MAP2K6: variants seen among roughly 807,000 people sequenced by gnomAD.
MAP2K6 encodes mitogen-activated protein kinase kinase 6, also known as dual specificity mitogen-activated protein kinase kinase 6.
Under a neutral mutation model 53.7 loss-of-function variants are expected in MAP2K6, and 16 were observed. The observed-to-expected ratio is 0.30, with a 90% CI of 0.20 to 0.45. MAP2K6 has a LOEUF of 0.45. Among genes scored for constraint, MAP2K6 ranks in the 20% least tolerant of loss-of-function variants. The pLI is 1.00. For synonymous variants in MAP2K6, 132 were observed against 143.1 expected (o/e 0.92, Z 0.55); for missense variants, 204 against 411.9 (o/e 0.50, Z 4.37).
chr17:69,520,092 GAT>G, intron 5 of MAP2K6, 176 bp from the exon 6 acceptor site: 1 of 562,352 alleles, frequency 1.8e-6, no homozygotes, highest in Non-Finnish European at 3.1e-6. Context: ...GCTCTTTGTA[GAT>G]AACCTTGCTT....
chr17:69,425,622 A>C (rs1906250849), intron 1 of MAP2K6, among the ~76,000 whole-genome samples: 1 of 152,180 alleles, frequency 6.6e-6, no homozygotes, highest in African/African-American at 2.4e-5. Context: ...AAACCAATGA[A>C]TTCTTTCTCG....
At chr17:69,488,592 A>G (rs2521344) in intron 1 of MAP2K6, among the ~76,000 whole-genome samples, 89,043 of 152,020 alleles carry the variant, frequency 0.59, 26,584 homozygotes, top group East Asian at 0.73. Flanking sequence ...ATTCAGCTAT[A>G]AAAAAGAACA....
At chr17:69,442,241 C>T (rs934768473) in intron 1 of MAP2K6, among the ~76,000 whole-genome samples, 11 of 152,270 alleles carry the variant, frequency 7.2e-5, no homozygotes, top group South Asian at 4.1e-4. Context: ...CAAATGTGGA[C>T]GCTTCCCAGA....
chr17:69,494,289 A>G lies in MAP2K6; in HGVS notation c.17-11491A>G, dbSNP rs1908860689. 1.3e-5 allele frequency among the ~76,000 whole-genome samples: 2 copies of G among 151,994 alleles called. No homozygotes were observed. Among genetic ancestry groups the G allele is most frequent in the African/African-American group, 2.4e-5 (1 of 41,386 alleles). On this transcript the variant is annotated intron_variant, in intron 1 of 11. Transcript: ENST00000590474. This position sits in a 1 kb window ranked among gnomAD's most constrained non-coding sequence, Gnocchi z 4.2. Reference sequence around the variant, plus strand: ...AAGGCGGGCAGATCACCTGAGGCCGAGAGTTTGTGACCAGCCTGGCCAACA... The same window carrying G: ...AAGGCGGGCAGATCACCTGAGGCCGGGAGTTTGTGACCAGCCTGGCCAACA...
At chr17:69,459,582 C>T (rs963553390) in intron 1 of MAP2K6, among the ~76,000 whole-genome samples, 8 of 151,458 alleles carry the variant, frequency 5.3e-5, no homozygotes, top group Non-Finnish European at 1.2e-4. Flanking sequence ...TGTGGTGGTG[C>T]GTGCCTATAG....
intron 5 of MAP2K6, 24 bp downstream of exon 5, chr17:69,519,456 T>C (rs1001338609): frequency 1.2e-6 from 2 of 1,613,110 alleles, no homozygotes; most frequent in Non-Finnish European, 1.7e-6. Context: ...CAATTCAAAG[T>C]CCAAGAGGAA....
chr17:69,443,107 T>C (rs756344748), intron 1 of MAP2K6, among the ~76,000 whole-genome samples: 4 of 152,170 alleles, frequency 2.6e-5, no homozygotes, highest in Admixed American at 6.5e-5. Flanking sequence ...CATTCTTTCC[T>C]CTAGTCAGCC....
In MAP2K6 at chr17:69,533,304, T is replaced by TA. The variant is rs546442998; in HGVS notation, c.882-2804dup. On this transcript the variant is annotated intron_variant, in intron 10 of 11. Transcript: ENST00000590474. ...ATATCCTGACTCAAAATCAGTATTT[T>TA]AAAAAAATACAGCATTTAAAAAAAA... Among the ~76,000 whole-genome samples the TA allele has an allele frequency of 2.1e-3, 314 of 152,240 alleles. 3 individuals carry two copies. The highest frequency in any genetic ancestry group is 7.1e-3 in the African/African-American group (294 of 41,536).
At chr17:69,502,529 C>G in intron 1 of MAP2K6, 1 of 985,248 alleles carries the variant, frequency 1.0e-6, no homozygotes, top group Non-Finnish European at 1.2e-6. Context: ...TTTTGTGTCT[C>G]CTGGATCTAT....
intron 1 of MAP2K6, chr17:69,502,786 C>T (rs1909236973): frequency 1.2e-6 from 1 of 841,962 alleles, no homozygotes; most frequent in Non-Finnish European, 1.4e-6. Flanking sequence ...GAAGACTTTA[C>T]TATTATTTTG....
In MAP2K6 at chr17:69,542,678, A is replaced by G. The variant is rs532506487; in HGVS notation, c.*925A>G. The stretch of plus-strand genomic sequence containing the variant: ...TTTCTATGAGCATCTCTGTTTGGTA[A>G]GGAGGACAATTGTCAGTTTTGAGGG... On this transcript the variant is annotated 3_prime_UTR_variant, in exon 12 of 12. Coordinates refer to ENST00000590474, the MANE Select transcript of MAP2K6 (RefSeq NM_002758.4). 28 of 152,310 alleles carry G rather than the reference A, an allele frequency of 1.8e-4. No homozygotes were observed. The highest frequency in any genetic ancestry group is 6.0e-4 in the African/African-American group (25 of 41,554). 9.4% of individuals were successfully genotyped at this position (152,310 alleles called of 1,614,324 possible). A position where few individuals can be genotyped will look rare whatever the true frequency, so the allele number is the denominator to read the frequency against.
At chr17:69,508,661 T>G (rs893736765) in intron 2 of MAP2K6, among the ~76,000 whole-genome samples, 1 of 152,266 alleles carries the variant, frequency 6.6e-6, no homozygotes, top group Admixed American at 6.5e-5. Flanking sequence ...TATCAATTAT[T>G]ACTTTTACAG....
chr17:69,496,334 C>T (rs1384569519), intron 1 of MAP2K6, among the ~76,000 whole-genome samples: 1 of 147,886 alleles, frequency 6.8e-6, no homozygotes, highest in African/African-American at 2.5e-5. Context: ...TGCAGTGGTG[C>T]GATCTCGGCT....
chr17:69,521,333 A>G (rs1910456116), intron 7 of MAP2K6: 1 of 411,016 alleles, frequency 2.4e-6, no homozygotes, highest in South Asian at 8.3e-5. Flanking sequence ...TTGAATATAA[A>G]CACTTGTTAG....
rs761890174 is a variant in MAP2K6, at chr17:69,545,477, G to A, written c.*3724G>A. ...TCTGAAATGGAAACGAGTATGTATGGGCATGGCTTGAAATTGTTTGTATTT... is the reference window on the plus strand; with the variant it reads ...TCTGAAATGGAAACGAGTATGTATGAGCATGGCTTGAAATTGTTTGTATTT... On this transcript the variant is annotated 3_prime_UTR_variant, in exon 12 of 12. Coordinates refer to ENST00000590474, the MANE Select transcript of MAP2K6 (RefSeq NM_002758.4). 1.3e-5 allele frequency: 2 copies of A among 152,074 alleles called. No individual in the cohort carries two copies. The highest frequency in any genetic ancestry group is 6.5e-5 in the Admixed American group (1 of 15,276). 9.4% of individuals were successfully genotyped at this position (152,074 alleles called of 1,614,324 possible).
rs1911678694 is a variant in MAP2K6, at chr17:69,542,285, A to G, written c.*532A>G. On this transcript the variant is annotated 3_prime_UTR_variant, in exon 12 of 12. Transcript: ENST00000590474. Reference sequence around the variant, plus strand: ...TTGTGTCTGTGGTCCAGAAGAAATTATTTAATATGCATCTTTGAGAATATT... The same window carrying G: ...TTGTGTCTGTGGTCCAGAAGAAATTGTTTAATATGCATCTTTGAGAATATT... 2 of 152,632 alleles carry G rather than the reference A, an allele frequency of 1.3e-5. No homozygotes were observed. Among genetic ancestry groups the G allele is most frequent in the African/African-American group, 2.4e-5 (1 of 41,460 alleles). 9.5% of individuals were successfully genotyped at this position (152,632 alleles called of 1,614,324 possible).
intron 2 of MAP2K6, among the ~76,000 whole-genome samples, chr17:69,510,861 G>C (rs547337171): frequency 6.7e-6 from 1 of 149,118 alleles, no homozygotes; most frequent in South Asian, 2.1e-4. Context: ...TGTCAATTTT[G>C]CTTGAGGTTT....
chr17:69,538,560 T>C (rs113242158), intron 11 of MAP2K6, among the ~76,000 whole-genome samples: 15 of 152,354 alleles, frequency 9.8e-5, no homozygotes, highest in African/African-American at 3.6e-4. Context: ...AAACACTTGC[T>C]GAGAGGCAAT....
intron 1 of MAP2K6, among the ~76,000 whole-genome samples, chr17:69,450,143 G>T (rs1907169917): frequency 6.9e-6 from 1 of 144,668 alleles, no homozygotes; most frequent in African/African-American, 2.6e-5. Context: ...AGTACAGACG[G>T]TGTTTCACCA....
Sources: gnomAD v4.1 joint callset for allele counts (sites outside exome capture counted in the v4.1 genomes callset) on GRCh38, gnomAD v4.1.1 for gene constraint, Gnocchi (gnomAD v3.1) non-coding constraint, MANE v1.5 for transcripts, NCBI Gene and HGNC (gene_info 2026-07-23, HGNC 2026-07-21) for gene names.